Variants in PBX3 observed in about 807,000 individuals in gnomAD.
PBX3 encodes PBX homeobox 3, also known as pre-B-cell leukemia transcription factor 3.
Under a neutral mutation model 48.5 loss-of-function variants are expected in PBX3, and 14 were observed. The ratio of observed to expected loss-of-function variants is 0.29; its 90% CI spans 0.19 to 0.45. The LOEUF (loss-of-function observed/expected upper bound fraction) is 0.45, where lower values mean the gene tolerates loss of function less well. PBX3 is among the 20% of genes least tolerant of loss of function. The pLI, the probability that PBX3 is intolerant of heterozygous loss-of-function variation, is 1.00. For synonymous variants in PBX3, 210 were observed against 200.3 expected (o/e 1.05, Z -0.41); for missense variants, 386 against 546.7 (o/e 0.71, Z 2.93).
At chr9:125,833,909 G>A (rs1839041953) in intron 2 of PBX3, among the ~76,000 whole-genome samples, 2 of 152,128 alleles carry the variant, frequency 1.3e-5, no homozygotes, top group African/African-American at 2.4e-5. Flanking sequence ...AACTTTTGAG[G>A]AACTGCCAGC....
chr9:125,926,137 C>T (rs1841569459), intron 3 of PBX3, among the ~76,000 whole-genome samples: 1 of 152,204 alleles, frequency 6.6e-6, no homozygotes, highest in African/African-American at 2.4e-5. Context: ...ATATAAACAT[C>T]TCCTTAGGGA....
chr9:125,886,376 C>T (rs1436531757), intron 2 of PBX3, among the ~76,000 whole-genome samples: 2 of 152,076 alleles, frequency 1.3e-5, no homozygotes, highest in Admixed American at 6.5e-5. Flanking sequence ...TTTTTATCTC[C>T]TCACTGAAAA....
chr9:125,788,590 GGGCCGGGCAT>G (rs1180825523), intron 2 of PBX3, among the ~76,000 whole-genome samples: 2 of 152,080 alleles, frequency 1.3e-5, no homozygotes, highest in East Asian at 3.8e-4. Flanking sequence ...AGCTTGCTGT[GGGCCGGGCAT>G]GGTGGCTTAC....
intron 5 of PBX3, among the ~76,000 whole-genome samples, chr9:125,944,680 A>G (rs1842029315): frequency 6.6e-6 from 1 of 152,182 alleles, no homozygotes. Context: ...GAGAAAGGAT[A>G]TTCTAAGCAG....
At chr9:125,848,285 T>A (rs1839482272) in intron 2 of PBX3, among the ~76,000 whole-genome samples, 1 of 152,072 alleles carries the variant, frequency 6.6e-6, no homozygotes, top group Non-Finnish European at 1.5e-5. Context: ...GTCTCTTGAT[T>A]CCAGCAGTCT....
chr9:125,765,153 G>GTT (rs935957484), intron 2 of PBX3, among the ~76,000 whole-genome samples: 17 of 142,870 alleles, frequency 1.2e-4, no homozygotes, highest in East Asian at 2.0e-4. Context: ...AAAGAAATTG[G>GTT]TTTTTTTTTT....
At chr9:125,872,606 T>A (rs1044461892) in intron 2 of PBX3, among the ~76,000 whole-genome samples, 4 of 151,316 alleles carry the variant, frequency 2.6e-5, no homozygotes, top group African/African-American at 9.7e-5. Context: ...AAAAAAATTT[T>A]AAAAATAGCC....
At chr9:125,955,242 C>T (rs1842279436) in intron 5 of PBX3, among the ~76,000 whole-genome samples, 2 of 151,912 alleles carry the variant, frequency 1.3e-5, no homozygotes, top group Admixed American at 6.6e-5. Context: ...ACCTGCGAGC[C>T]CCCCTTCAGG....
chr9:125,901,586 A>G (rs1333801572), intron 2 of PBX3, among the ~76,000 whole-genome samples: 1 of 151,712 alleles, frequency 6.6e-6, no homozygotes, highest in African/African-American at 2.4e-5. Flanking sequence ...GAGAGCATAA[A>G]TAAAAGGAGA....
intron 2 of PBX3, chr9:125,844,581 G>A (rs1242256942): frequency 6.6e-6 from 1 of 152,014 alleles, no homozygotes; most frequent in Non-Finnish European, 1.5e-5. Context: ...AGCAGTACAG[G>A]GTTGAAAAAG....
intron 5 of PBX3, among the ~76,000 whole-genome samples, chr9:125,957,107 T>A (rs1842326635): frequency 6.6e-6 from 1 of 152,258 alleles, no homozygotes; most frequent in Non-Finnish European, 1.5e-5. Flanking sequence ...AGCTGATTGC[T>A]GCAATACCCA....
intron 2 of PBX3, among the ~76,000 whole-genome samples, chr9:125,783,973 C>T (rs925358853): frequency 1.3e-5 from 2 of 152,100 alleles, no homozygotes; most frequent in African/African-American, 2.4e-5. Flanking sequence ...CGCACTGCAG[C>T]CTGAGTGACA....
At chr9:125,923,328 G>T (rs1012597929) in intron 3 of PBX3, among the ~76,000 whole-genome samples, 4 of 152,080 alleles carry the variant, frequency 2.6e-5, no homozygotes, top group African/African-American at 9.7e-5. Flanking sequence ...GATATATGCC[G>T]TGTCATAGAT....
intron 5 of PBX3, among the ~76,000 whole-genome samples, chr9:125,955,765 C>G (rs1324265399): frequency 5.3e-5 from 8 of 152,198 alleles, no homozygotes; most frequent in African/African-American, 1.9e-4. Context: ...AGAGTCTCCG[C>G]TCTACGGTTC....
intron 2 of PBX3, among the ~76,000 whole-genome samples, chr9:125,840,224 G>A (rs139803712): frequency 6.6e-6 from 1 of 152,148 alleles, no homozygotes; most frequent in East Asian, 1.9e-4. Context: ...TTGGAATAAA[G>A]GAGGAATTTT....
intron 2 of PBX3, among the ~76,000 whole-genome samples, chr9:125,823,550 A>T (rs1207021106): frequency 2.7e-5 from 4 of 150,908 alleles, no homozygotes; most frequent in African/African-American, 9.8e-5. Context: ...TTTTGGTAAT[A>T]GTGTTAAATA....
chr9:125,877,873 G>T (rs1018931768), intron 2 of PBX3, among the ~76,000 whole-genome samples: 4 of 152,172 alleles, frequency 2.6e-5, no homozygotes, highest in African/African-American at 9.7e-5. Context: ...GATGAGATAT[G>T]AGAATTACTC....
At chr9:125,801,709 G>T (rs987046763) in intron 2 of PBX3, among the ~76,000 whole-genome samples, 1 of 151,468 alleles carries the variant, frequency 6.6e-6, no homozygotes, top group African/African-American at 2.4e-5. Flanking sequence ...AGCATTTCCC[G>T]TCATAGCTTG....
intron 2 of PBX3, among the ~76,000 whole-genome samples, chr9:125,783,297 T>C (rs1224941480): frequency 1.3e-5 from 2 of 152,126 alleles, no homozygotes; most frequent in African/African-American, 4.8e-5. Context: ...CTATTCTTTT[T>C]CTTTTTTTGA....
Sources: allele counts gnomAD v4.1 joint callset (sites outside exome capture counted in the v4.1 genomes callset), GRCh38; gene constraint gnomAD v4.1.1; transcripts MANE v1.5; gene names NCBI Gene and HGNC (gene_info 2026-07-23, HGNC 2026-07-21).